Variants in KBTBD11 observed in about 807,000 individuals in gnomAD.
KBTBD11 encodes kelch repeat and BTB domain containing 11.
For missense variants in KBTBD11, 1,390 were observed against 1,001.8 expected (o/e 1.39, Z -5.23); for synonymous variants, 747 against 499.0 (o/e 1.50, Z -6.63).
In KBTBD11 at chr8:2,002,512, G is replaced by A; in HGVS notation, c.1320G>A (p.Pro440=). 6.6e-7 allele frequency: 1 copy of A among 1,517,466 alleles called. No individual in the cohort carries two copies. Among genetic ancestry groups the A allele is most frequent in the Non-Finnish European group, 8.7e-7 (1 of 1,143,044 alleles). The allele number at this position is 1,517,466 out of a possible 1,614,324, so 94.0% of individuals were successfully genotyped here. The part of the protein sequence containing the change: ...PRADRWAPVA[P]LPRGAFAVAH... ...CCGACCGCTGGGCCCCCGTGGCGCC[G>A]CTGCCCCGGGGCGCCTTCGCCGTGG... The change falls in exon 2 of 2, where the codon CCG becomes CCA. Residue 440 remains proline, a synonymous_variant. Coordinates refer to ENST00000320248, the MANE Select transcript of KBTBD11 (RefSeq NM_014867.3). The surrounding 1 kb of genome is among the most constrained non-coding windows in gnomAD (Gnocchi z 4.1).
intron 1 of KBTBD11, among the ~76,000 whole-genome samples, chr8:1,988,949 C>G (rs1005025639): frequency 1.3e-5 from 2 of 151,828 alleles, no homozygotes; most frequent in Admixed American, 6.6e-5. Flanking sequence ...AGGAATCTCT[C>G]ATTTCCGATT....
rs1817299389 is a variant in KBTBD11, at chr8:2,000,497, C to T, written c.-696C>T. 2 of 151,976 alleles carry T rather than the reference C, an allele frequency of 1.3e-5. No homozygotes were observed. Among genetic ancestry groups the T allele is most frequent in the South Asian group, 2.1e-4 (1 of 4,834 alleles). The allele number at this position is 151,976 out of a possible 1,614,324, so 9.4% of individuals were successfully genotyped here. A position where few individuals can be genotyped will look rare whatever the true frequency, so the allele number is the denominator to read the frequency against. On this transcript the variant is annotated 5_prime_UTR_variant, in exon 2 of 2. It introduces an in-frame stop codon into an upstream open reading frame of the 5' UTR. Transcript: ENST00000320248. ...AGCTCCTGAGACCAGCACACAGGAC[C>T]AGTGTCCTCCCCGTGACCTTGCAGT...
chr8:1,973,771 C>G lies in KBTBD11; in HGVS notation c.-1073C>G. 1 of 983,800 alleles carries G rather than the reference C, an allele frequency of 1.0e-6. No homozygotes were observed. 60.9% of individuals were successfully genotyped at this position (983,800 alleles called of 1,614,324 possible). On this transcript the variant is annotated 5_prime_UTR_variant, in exon 1 of 2. Coordinates refer to ENST00000320248, the MANE Select transcript of KBTBD11 (RefSeq NM_014867.3). ...GGCCTGTCCACCGCCCCCTCTGCCGCCCACGCCCCGCTGCGGGTCGGAGGA... is the reference window on the plus strand; with the variant it reads ...GGCCTGTCCACCGCCCCCTCTGCCGGCCACGCCCCGCTGCGGGTCGGAGGA...
chr8:2,004,838 AC>A lies in KBTBD11; in HGVS notation c.*1775del, dbSNP rs1398317354. The A allele has an allele frequency of 6.0e-6, 1 of 167,104 alleles. No homozygotes were observed. The highest frequency in any genetic ancestry group is 1.5e-5 in the Non-Finnish European group (1 of 68,120). 10.4% of individuals were successfully genotyped at this position (167,104 alleles called of 1,614,324 possible). On this transcript the variant is annotated 3_prime_UTR_variant, in exon 2 of 2. Transcript: ENST00000320248. ...GAAACAGTATTTACAGCAAAAGGAA[AC>A]AAATAATGTTCATTTTAAGCAATGT...
chr8:1,988,868 A>T (rs1816785435), intron 1 of KBTBD11, among the ~76,000 whole-genome samples: 1 of 149,842 alleles, frequency 6.7e-6, no homozygotes, highest in Non-Finnish European at 1.5e-5. Flanking sequence ...CTAATTAATT[A>T]TCATTATTAA....
At chr8:1,991,856 C>A (rs1460512238) in intron 1 of KBTBD11, among the ~76,000 whole-genome samples, 1 of 152,036 alleles carries the variant, frequency 6.6e-6, no homozygotes, top group Non-Finnish European at 1.5e-5. Flanking sequence ...AGACTCCGAC[C>A]TGGGTGTGTC....
chr8:1,995,210 T>C (rs1416477915), intron 1 of KBTBD11, among the ~76,000 whole-genome samples: 3 of 152,104 alleles, frequency 2.0e-5, no homozygotes, highest in Non-Finnish European at 4.4e-5. Flanking sequence ...ACCCTCCCCA[T>C]TTCTAAACTA....
At chr8:1,989,233 T>C (rs1365397919) in intron 1 of KBTBD11, among the ~76,000 whole-genome samples, 2 of 152,188 alleles carry the variant, frequency 1.3e-5, no homozygotes, top group African/African-American at 4.8e-5. Context: ...GTTCTCAGTT[T>C]CCACCCCAAG....
At position 2,001,939 on chromosome 8, in the gene KBTBD11, C is replaced by G. The variant is rs200861095; in HGVS notation, c.747C>G (p.Asn249Lys). ...GCGCGGCCAAGCGGCAGCGGCTGAA[C>G]GAGCTGCGCGACGCCGCCTACTGCT... ...VLSAAKRQRL[N>K]ELRDAAYCFM... The change falls in exon 2 of 2, where the codon AAC becomes AAG. Residue 249 changes from asparagine (N) to lysine (K), a missense_variant. Coordinates refer to ENST00000320248, the MANE Select transcript of KBTBD11 (RefSeq NM_014867.3). 5.4e-6 allele frequency: 8 copies of G among 1,471,294 alleles called. No homozygotes were observed. Among genetic ancestry groups the G allele is most frequent in the Admixed American group, 2.0e-5 (1 of 50,784 alleles). 91.1% of individuals were successfully genotyped at this position (1,471,294 alleles called of 1,614,324 possible).
At chr8:1,974,711 G>T (rs376994140) in intron 1 of KBTBD11, 2 of 985,416 alleles carry the variant, frequency 2.0e-6, no homozygotes, top group East Asian at 1.1e-4. Flanking sequence ...ATTCCGCAGG[G>T]GTCCCTCCTC....
intron 1 of KBTBD11, among the ~76,000 whole-genome samples, chr8:1,987,021 A>AAAC (rs1554525605): frequency 8.3e-5 from 10 of 120,770 alleles, no homozygotes; most frequent in African/African-American, 2.7e-4. Flanking sequence ...AAAAAAAAAA[A>AAAC]AAAAAAAAAA....
In KBTBD11 at chr8:2,003,360, G is replaced by C; in HGVS notation, c.*296G>C. 3.1e-6 allele frequency: 1 copy of C among 318,402 alleles called. No individual in the cohort carries two copies. The allele number at this position is 318,402 out of a possible 1,614,324, so 19.7% of individuals were successfully genotyped here. A position where few individuals can be genotyped will look rare whatever the true frequency, so the allele number is the denominator to read the frequency against. ...AAAGGGTCAGCCTCAGGGTACAGTG[G>C]GGGTTCCTGAGGCAGCCTGCAGCCG... On this transcript the variant is annotated 3_prime_UTR_variant, in exon 2 of 2. Transcript: ENST00000320248.
Position 1,973,738 on chromosome 8 carries a change from G to A in KBTBD11, c.-1106G>A, listed in dbSNP as rs1184247497. 1.0e-6 allele frequency: 1 copy of A among 983,728 alleles called. No homozygotes were observed. The highest frequency in any genetic ancestry group is 1.8e-5 in the African/African-American group (1 of 57,078). 60.9% of individuals were successfully genotyped at this position (983,728 alleles called of 1,614,324 possible). On this transcript the variant is annotated 5_prime_UTR_variant, in exon 1 of 2. Transcript: ENST00000320248. ...GCGCTGGCTCCGCGCGGCCTGGAGAGGCGGAGAGGCCTGTCCACCGCCCCC... is the reference window on the plus strand; with the variant it reads ...GCGCTGGCTCCGCGCGGCCTGGAGAAGCGGAGAGGCCTGTCCACCGCCCCC...
chr8:1,994,845 G>A (rs562427180), intron 1 of KBTBD11, among the ~76,000 whole-genome samples: 49 of 152,220 alleles, frequency 3.2e-4, no homozygotes, highest in Middle Eastern at 3.4e-3. Context: ...GATCACTTGA[G>A]GTCAGGAATT....
chr8:1,990,407 C>G (rs1324430384), intron 1 of KBTBD11, among the ~76,000 whole-genome samples: 2 of 130,322 alleles, frequency 1.5e-5, no homozygotes, highest in African/African-American at 5.9e-5. Context: ...CGGGTAGGTG[C>G]TGCCGGGCCT....
Position 2,003,154 on chromosome 8 carries a change from G to C in KBTBD11, c.*90G>C. 2 of 1,246,688 alleles carry C rather than the reference G, an allele frequency of 1.6e-6. No homozygotes were observed. The highest frequency in any genetic ancestry group is 2.0e-6 in the Non-Finnish European group (2 of 988,262). 77.2% of individuals were successfully genotyped at this position (1,246,688 alleles called of 1,614,324 possible). On this transcript the variant is annotated 3_prime_UTR_variant, in exon 2 of 2. Coordinates refer to ENST00000320248, the MANE Select transcript of KBTBD11 (RefSeq NM_014867.3). ...GCGGAGGAGGACGTGGTGGGGAGTC[G>C]GGGCCGCTGGCCACGCTGGTGGTTT...
intron 1 of KBTBD11, chr8:1,974,667 T>G (rs1057392178): frequency 7.1e-6 from 7 of 984,988 alleles, no homozygotes; most frequent in Non-Finnish European, 6.0e-6. Flanking sequence ...CCCCGCCCCA[T>G]GTGCTGGGGA....
At chr8:1,988,037 C>G (rs1450792920) in intron 1 of KBTBD11, among the ~76,000 whole-genome samples, 1 of 152,160 alleles carries the variant, frequency 6.6e-6, no homozygotes, top group African/African-American at 2.4e-5. Context: ...CCAGCTTCAT[C>G]CATGTCACTG....
In KBTBD11 at chr8:2,002,740, G is replaced by C; in HGVS notation, c.1548G>C (p.Ala516=). 6.7e-7 allele frequency: 1 copy of C among 1,500,338 alleles called. No homozygotes were observed. Among genetic ancestry groups the C allele is most frequent in the South Asian group, 1.3e-5 (1 of 78,310 alleles). The allele number at this position is 1,500,338 out of a possible 1,614,324, so 92.9% of individuals were successfully genotyped here. The change falls in exon 2 of 2, where the codon GCG becomes GCC. Residue 516 remains alanine (A), a synonymous_variant. Coordinates refer to ENST00000320248, the MANE Select transcript of KBTBD11 (RefSeq NM_014867.3). This position sits in a 1 kb window ranked among gnomAD's most constrained non-coding sequence, Gnocchi z 4.1. ...DLSGSRGEAQ[A]AGPSGVSVSR... ...GCGGCAGCCGCGGCGAGGCGCAGGC[G>C]GCGGGGCCGAGCGGGGTCAGCGTGT...
Sources: allele counts gnomAD v4.1 joint callset (sites outside exome capture counted in the v4.1 genomes callset), GRCh38; gene constraint gnomAD v4.1.1; non-coding constraint Gnocchi (gnomAD v3.1); transcripts MANE v1.5; gene names NCBI Gene and HGNC (gene_info 2026-07-23, HGNC 2026-07-21).